Variants in SGSM1 observed in about 807,000 individuals in gnomAD.
The protein encoded by SGSM1 is RUN and TBC1 domain containing 2.
Under a neutral mutation model 133.8 loss-of-function variants are expected in SGSM1, and 73 were observed. The ratio of observed to expected loss-of-function variants is 0.55; its 90% confidence interval spans 0.45 to 0.66. The LOEUF is 0.66. SGSM1 is among the 30% of genes least tolerant of loss of function. SGSM1 has a pLI of 0.00. For missense variants in SGSM1, 1,213 were observed against 1,448.1 expected (o/e 0.84, Z 2.64); for synonymous variants, 563 against 573.0 (o/e 0.98, Z 0.25).
chr22:24,807,083 C>G (rs1927444793), intron 2 of SGSM1, among the ~76,000 whole-genome samples: 1 of 151,426 alleles, frequency 6.6e-6, no homozygotes, highest in South Asian at 2.1e-4. Context: ...ACCCCACATT[C>G]AGAGGGTGAG....
intron 23 of SGSM1, 87 bp downstream of exon 23, chr22:24,917,841 G>T: frequency 9.0e-7 from 1 of 1,108,726 alleles, no homozygotes; most frequent in South Asian, 1.5e-5. Context: ...GAGGTTGAGG[G>T]GTTGGCAACA....
intron 13 of SGSM1, among the ~76,000 whole-genome samples, chr22:24,878,103 G>A (rs566222390): frequency 6.6e-6 from 1 of 152,066 alleles, no homozygotes; most frequent in African/African-American, 2.4e-5. Context: ...GAGCCACCGC[G>A]CCCCGCCTGG....
chr22:24,905,006 A>G, intron 20 of SGSM1, 99 bp from the exon 21 acceptor site: 2 of 918,422 alleles, frequency 2.2e-6, no homozygotes, highest in Admixed American at 1.7e-5. Context: ...GGAGGGGTCC[A>G]GGTGAGGGAT....
chr22:24,852,282 T>A (rs186994936), intron 5 of SGSM1, among the ~76,000 whole-genome samples: 49 of 152,308 alleles, frequency 3.2e-4, no homozygotes, highest in African/African-American at 1.1e-3. Context: ...TGAATTTTTT[T>A]ATACAGTTCT....
chr22:24,808,912 C>T (rs915678806), intron 2 of SGSM1, among the ~76,000 whole-genome samples: 1 of 152,122 alleles, frequency 6.6e-6, no homozygotes, highest in Non-Finnish European at 1.5e-5. Context: ...CACACTCTGA[C>T]CCTCCCATCC....
chr22:24,856,156 A>G, intron 8 of SGSM1: 1 of 343,436 alleles, frequency 2.9e-6, no homozygotes, highest in South Asian at 2.2e-5. Flanking sequence ...TCATTGATTC[A>G]GCAAACATTT....
intron 2 of SGSM1, among the ~76,000 whole-genome samples, chr22:24,809,019 A>G (rs1008826567): frequency 6.6e-6 from 1 of 152,220 alleles, no homozygotes; most frequent in Non-Finnish European, 1.5e-5. Flanking sequence ...ACTGTGGCCC[A>G]GAGACAATAA....
rs116272049 is a variant in SGSM1 at position 24,815,060 on chromosome 22, A to G, written c.63+8576A>G. Reference sequence around the variant, plus strand: ...GCTAAACTCAGATGTGGGGCAGTGTATTTTTCTTTCACTTAGTGATATAGA... The same window carrying G: ...GCTAAACTCAGATGTGGGGCAGTGTGTTTTTCTTTCACTTAGTGATATAGA... On this transcript the variant is annotated intron_variant, in intron 2 of 24. Transcript: ENST00000400358. Among the ~76,000 whole-genome samples, 1,473 of 152,234 alleles carry G rather than the reference A, an allele frequency of 9.7e-3. 27 individuals are homozygous for G. The highest frequency in any genetic ancestry group is 0.033 in the African/African-American group (1,381 of 41,542).
chr22:24,925,605 T>A lies in SGSM1; in HGVS notation c.*1331T>A, dbSNP rs1391027774. ...GGGCAGAGTCTGTATCCTGCTGCCATCTTGCAAGGGAAAACCGCCTCTCCT... is the reference window on the plus strand; with the variant it reads ...GGGCAGAGTCTGTATCCTGCTGCCAACTTGCAAGGGAAAACCGCCTCTCCT... On this transcript the variant is annotated 3_prime_UTR_variant, in exon 25 of 25. Transcript: ENST00000400358. 1.3e-5 allele frequency: 2 copies of A among 152,146 alleles called. No homozygotes were observed. Among genetic ancestry groups the A allele is most frequent in the African/African-American group, 4.8e-5 (2 of 41,404 alleles). The allele number at this position is 152,146 out of a possible 1,614,324, so 9.4% of individuals were successfully genotyped here.
chr22:24,924,101 C>T (rs913256284), intron 24 of SGSM1, 85 bp from the exon 25 acceptor site: 75 of 1,251,306 alleles, frequency 6.0e-5, no homozygotes, highest in Non-Finnish European at 8.3e-5. Flanking sequence ...GGAGATGCCC[C>T]CAGAGAAGCC....
intron 16 of SGSM1, among the ~76,000 whole-genome samples, chr22:24,890,117 T>C (rs191825833): frequency 0.014 from 2,146 of 151,780 alleles, 25 homozygotes; most frequent in Non-Finnish European, 0.022. Flanking sequence ...CCACCACGCC[T>C]GGCTAATTTT....
intron 9 of SGSM1, among the ~76,000 whole-genome samples, chr22:24,860,926 T>TAC (rs1931111994): frequency 3.0e-5 from 3 of 99,818 alleles, no homozygotes; most frequent in Non-Finnish European, 3.9e-5. Flanking sequence ...AAAAAAAATA[T>TAC]ATATATATAT....
At chr22:24,881,920 G>A (rs1164787904) in intron 14 of SGSM1, among the ~76,000 whole-genome samples, 1 of 152,164 alleles carries the variant, frequency 6.6e-6, no homozygotes, top group Non-Finnish European at 1.5e-5. Context: ...CAGATAAGGG[G>A]TGGCACGTTG....
chr22:24,889,490 A>G (rs1601959132), intron 16 of SGSM1, among the ~76,000 whole-genome samples: 1 of 148,768 alleles, frequency 6.7e-6, no homozygotes, highest in Non-Finnish European at 1.5e-5. Flanking sequence ...GCTTACTGCA[A>G]CCTCCGTCTC....
intron 21 of SGSM1, among the ~76,000 whole-genome samples, chr22:24,906,395 T>G (rs1003651704): frequency 2.0e-5 from 3 of 152,070 alleles, no homozygotes; most frequent in African/African-American, 7.2e-5. Context: ...GCCAGGGCAA[T>G]TAAGAAAGAA....
At chr22:24,882,968 G>A (rs1364232940) in intron 14 of SGSM1, among the ~76,000 whole-genome samples, 6 of 151,282 alleles carry the variant, frequency 4.0e-5, no homozygotes, top group African/African-American at 1.5e-4. Context: ...CGCGATCTCA[G>A]CTCACTGCAA....
chr22:24,857,379 G>A (rs1022371114), intron 8 of SGSM1, among the ~76,000 whole-genome samples: 1 of 136,660 alleles, frequency 7.3e-6, no homozygotes, highest in Non-Finnish European at 1.5e-5. Context: ...CTGCACTCCA[G>A]CCTAGGCAAC....
At chr22:24,836,364 T>C (rs114457931) in intron 2 of SGSM1, among the ~76,000 whole-genome samples, 3,153 of 152,346 alleles carry the variant, frequency 0.021, 125 homozygotes, top group African/African-American at 0.072. Flanking sequence ...CGAAGGACAC[T>C]TGGGTTGTTT....
intron 12 of SGSM1, among the ~76,000 whole-genome samples, chr22:24,875,257 G>A (rs917144038): frequency 1.3e-5 from 2 of 152,186 alleles, no homozygotes; most frequent in African/African-American, 4.8e-5. Context: ...CAGCCTATGA[G>A]CTAAGAATGT....
Sources: gnomAD v4.1 joint callset for allele counts (sites outside exome capture counted in the v4.1 genomes callset) on GRCh38, gnomAD v4.1.1 for gene constraint, MANE v1.5 for transcripts, NCBI Gene and HGNC (gene_info 2026-07-23, HGNC 2026-07-21) for gene names.